CNTN4: variants seen among roughly 807,000 people sequenced by gnomAD.
The protein encoded by CNTN4 is contactin 4.
CNTN4 carries 77 observed loss-of-function variants against 122.5 expected under a neutral mutation model. The ratio of observed to expected loss-of-function variants is 0.63; its 90% CI spans 0.52 to 0.76. The LOEUF is 0.76. CNTN4 is among the 30% of genes least tolerant of loss of function. CNTN4 has a pLI of 0.00. For synonymous variants in CNTN4, 512 were observed against 447.0 expected (o/e 1.15, Z -1.83); for missense variants, 1,256 against 1,259.1 (o/e 1.00, Z 0.04).
chr3:2,257,167 T>G (rs1284667023), intron 2 of CNTN4, among the ~76,000 whole-genome samples: 1 of 152,180 alleles, frequency 6.6e-6, no homozygotes. Flanking sequence ...TTGACTAACC[T>G]GAGAAAGACA....
chr3:2,400,654 T>C (rs1271322184), intron 3 of CNTN4, among the ~76,000 whole-genome samples: 3 of 150,440 alleles, frequency 2.0e-5, no homozygotes, highest in African/African-American at 7.3e-5. Flanking sequence ...AATGTTCTCA[T>C]GTATGAGTAA....
intron 3 of CNTN4, among the ~76,000 whole-genome samples, chr3:2,507,506 T>A (rs1223826141): frequency 6.6e-6 from 1 of 151,764 alleles, no homozygotes; most frequent in Non-Finnish European, 1.5e-5. Context: ...GGTGATCTTG[T>A]GGGCAGATCA....
At chr3:2,624,882 C>T (rs1475980807) in intron 4 of CNTN4, among the ~76,000 whole-genome samples, 1 of 151,968 alleles carries the variant, frequency 6.6e-6, no homozygotes, top group Admixed American at 6.6e-5. Context: ...ATCCACCCAC[C>T]TCGGCCTCCT....
chr3:2,594,242 C>A (rs919422730), intron 4 of CNTN4, among the ~76,000 whole-genome samples: 5 of 151,394 alleles, frequency 3.3e-5, no homozygotes, highest in Non-Finnish European at 7.4e-5. Flanking sequence ...TTTTTTTTGA[C>A]AATTTGAAAT....
Position 2,902,862 on chromosome 3 carries a change from C to G in CNTN4, c.1078-14C>G. On this transcript the variant is annotated splice_polypyrimidine_tract_variant and intron_variant, in intron 11 of 24. Coordinates refer to ENST00000418658, the MANE Select transcript of CNTN4 (RefSeq NM_175607.3). ...AGAAGGTCATTGTTTTTATGTTCCT[C>G]TTTTCTTTCACAGGATAGAATTCAA... 1 of 1,610,624 alleles carries G rather than the reference C, an allele frequency of 6.2e-7. No homozygotes were observed. Among genetic ancestry groups the G allele is most frequent in the Non-Finnish European group, 8.5e-7 (1 of 1,177,976 alleles).
intron 4 of CNTN4, among the ~76,000 whole-genome samples, chr3:2,596,909 G>A (rs187197198): frequency 3.9e-5 from 6 of 151,988 alleles, no homozygotes; most frequent in South Asian, 2.1e-4. Context: ...CATCTTTTTC[G>A]GTACTGTGTC....
chr3:2,681,694 C>CAT (rs1213910747), intron 4 of CNTN4, among the ~76,000 whole-genome samples: 1 of 151,830 alleles, frequency 6.6e-6, no homozygotes, highest in Non-Finnish European at 1.5e-5. Context: ...GTGCATACCC[C>CAT]ATATATATTC....
At chr3:2,733,624 C>T (rs1234388953) in intron 4 of CNTN4, among the ~76,000 whole-genome samples, 1 of 148,128 alleles carries the variant, frequency 6.8e-6, no homozygotes, top group Admixed American at 6.7e-5. Flanking sequence ...GACTCCGCCT[C>T]CCAGGTTCAA....
intron 10 of CNTN4, among the ~76,000 whole-genome samples, chr3:2,899,752 G>A (rs934328208): frequency 4.6e-5 from 7 of 152,244 alleles, no homozygotes; most frequent in African/African-American, 1.7e-4. Context: ...GTTAGACTGT[G>A]GGCAGGACTT....
chr3:3,025,259 G>A (rs1484169209), intron 14 of CNTN4, among the ~76,000 whole-genome samples: 1 of 151,972 alleles, frequency 6.6e-6, no homozygotes, highest in Admixed American at 6.6e-5. Flanking sequence ...CGAATTGATG[G>A]TCCTTATTTT....
chr3:2,583,234 C>A (rs1007059957), intron 4 of CNTN4, among the ~76,000 whole-genome samples: 2 of 152,194 alleles, frequency 1.3e-5, no homozygotes, highest in Admixed American at 6.5e-5. Flanking sequence ...CCATGGTTGA[C>A]ATAACAACTC....
chr3:2,820,115 C>G (rs1355833090), intron 7 of CNTN4, among the ~76,000 whole-genome samples: 1 of 152,078 alleles, frequency 6.6e-6, no homozygotes, highest in Non-Finnish European at 1.5e-5. Context: ...AGTGTCAGAA[C>G]TCATAGGATA....
intron 14 of CNTN4, among the ~76,000 whole-genome samples, chr3:2,989,426 C>T (rs1481452587): frequency 6.6e-6 from 1 of 152,040 alleles, no homozygotes; most frequent in African/African-American, 2.4e-5. Context: ...CCTTCTTGCC[C>T]ATTTGTAGTT....
intron 4 of CNTN4, among the ~76,000 whole-genome samples, chr3:2,608,664 G>A (rs1407601905): frequency 1.3e-5 from 2 of 152,044 alleles, no homozygotes; most frequent in African/African-American, 2.4e-5. Flanking sequence ...TCTCTTTTTA[G>A]TAGACATGGG....
intron 14 of CNTN4, among the ~76,000 whole-genome samples, chr3:2,992,807 G>C (rs1011968837): frequency 6.6e-6 from 1 of 152,146 alleles, no homozygotes; most frequent in Admixed American, 6.5e-5. Flanking sequence ...GGTGGTTCCA[G>C]ACTATACTTT....
At chr3:3,011,628 A>G (rs1697237713) in intron 14 of CNTN4, among the ~76,000 whole-genome samples, 2 of 152,182 alleles carry the variant, frequency 1.3e-5, no homozygotes, top group Non-Finnish European at 2.9e-5. Context: ...TACTTTCACT[A>G]GCAACAACTT....
intron 2 of CNTN4, among the ~76,000 whole-genome samples, chr3:2,303,072 A>G (rs1028433719): frequency 6.6e-6 from 1 of 152,212 alleles, no homozygotes; most frequent in Admixed American, 6.5e-5. Flanking sequence ...AGTATGAAGT[A>G]TAGATACTGT....
intron 7 of CNTN4, among the ~76,000 whole-genome samples, chr3:2,849,445 A>G (rs2150622949): frequency 6.6e-6 from 1 of 152,312 alleles, no homozygotes; most frequent in East Asian, 1.9e-4. Context: ...AATTTTTTTT[A>G]AAGAAGAAGG....
At chr3:2,572,172 G>A (rs1046504119) in intron 4 of CNTN4, among the ~76,000 whole-genome samples, 6 of 152,134 alleles carry the variant, frequency 3.9e-5, no homozygotes, top group Non-Finnish European at 7.3e-5. Flanking sequence ...TGGATCACCC[G>A]AGGTCAGAAG....
Sources: allele counts gnomAD v4.1 joint callset (sites outside exome capture counted in the v4.1 genomes callset), GRCh38; gene constraint gnomAD v4.1.1; transcripts MANE v1.5; gene names NCBI Gene and HGNC (gene_info 2026-07-23, HGNC 2026-07-21).